SLIT3: variants seen among roughly 807,000 people sequenced by gnomAD.
SLIT3 encodes the protein slit guidance ligand 3, also known as slit homolog 3 protein.
A neutral mutation model predicts 184.0 loss-of-function variants in SLIT3; 68 were observed. The ratio of observed to expected loss-of-function variants is 0.37; its 90% CI spans 0.30 to 0.45. The LOEUF (loss-of-function observed/expected upper bound fraction) is 0.45. Among genes scored for constraint, SLIT3 ranks in the 20% least tolerant of loss-of-function variants. The pLI, the probability that SLIT3 is intolerant of heterozygous loss-of-function variation, is 1.00. For missense variants in SLIT3, 1,707 were observed against 2,026.0 expected, an observed-to-expected ratio of 0.84 and a Z score of 3.02; for synonymous variants, 831 against 828.6, an observed-to-expected ratio of 1.00 and a Z score of -0.05.
At chr5:169,066,921 C>A (rs1285026948) in intron 4 of SLIT3, among the ~76,000 whole-genome samples, 2 of 127,040 alleles carry the variant, frequency 1.6e-5, no homozygotes, top group Admixed American at 8.7e-5. Flanking sequence ...ATTGCTAAGG[C>A]AACACCATGA....
intron 1 of SLIT3, among the ~76,000 whole-genome samples, chr5:169,271,380 C>T (rs959060681): frequency 5.3e-5 from 8 of 152,214 alleles, no homozygotes; most frequent in African/African-American, 1.9e-4. Flanking sequence ...CCTGCGATTA[C>T]ACCTTGCTCC....
Position 169,221,708 on chromosome 5 carries a change from C to T in SLIT3, c.341+22997G>A, listed in dbSNP as rs141170296. Among the ~76,000 whole-genome samples the T allele has an allele frequency of 9.8e-4, 149 of 152,290 alleles. 1 individual carries two copies. Among genetic ancestry groups the T allele is most frequent in the Middle Eastern group, 3.4e-3 (1 of 294 alleles). On this transcript the variant is annotated intron_variant, in intron 3 of 35. Transcript: ENST00000519560. Reference sequence around the variant, plus strand: ...CCCTCCGTTCCTCCTCTGACTCCCCCGCCAGCCATCAGTTCCTAGTGCTGT... The same window carrying T: ...CCCTCCGTTCCTCCTCTGACTCCCCTGCCAGCCATCAGTTCCTAGTGCTGT...
intron 5 of SLIT3, among the ~76,000 whole-genome samples, chr5:168,848,758 C>T (rs1206777367): frequency 1.3e-5 from 2 of 152,012 alleles, no homozygotes; most frequent in Non-Finnish European, 2.9e-5. Context: ...GAAAGGAAAG[C>T]CAGCGTGAGT....
intron 4 of SLIT3, among the ~76,000 whole-genome samples, chr5:168,921,843 T>G (rs1443238433): frequency 6.6e-6 from 1 of 152,194 alleles, no homozygotes; most frequent in African/African-American, 2.4e-5. Flanking sequence ...ACAAAAAGGC[T>G]AACCTTTACT....
At chr5:169,240,477 A>C (rs1765360470) in intron 3 of SLIT3, among the ~76,000 whole-genome samples, 1 of 151,390 alleles carries the variant, frequency 6.6e-6, no homozygotes, top group East Asian at 1.9e-4. Flanking sequence ...TTTTATCATT[A>C]CAAAATTCCC....
At chr5:168,890,791 T>C (rs1012255752) in intron 4 of SLIT3, among the ~76,000 whole-genome samples, 4 of 152,206 alleles carry the variant, frequency 2.6e-5, no homozygotes, top group African/African-American at 7.2e-5. Flanking sequence ...CTTTTATGTA[T>C]GTGTGACATT....
At chr5:168,799,689 G>A (rs1020370502) in intron 9 of SLIT3, among the ~76,000 whole-genome samples, 2 of 128,692 alleles carry the variant, frequency 1.6e-5, no homozygotes, top group Non-Finnish European at 3.7e-5. Context: ...TGGAAACATT[G>A]GTGGTGGTGG....
intron 2 of SLIT3, among the ~76,000 whole-genome samples, chr5:169,250,635 T>A (rs1765740741): frequency 6.6e-6 from 1 of 152,236 alleles, no homozygotes; most frequent in African/African-American, 2.4e-5. Flanking sequence ...CAGCTAAGAT[T>A]CCATGGCATA....
At chr5:169,298,951 A>G (rs1320872466) in intron 1 of SLIT3, among the ~76,000 whole-genome samples, 1 of 152,250 alleles carries the variant, frequency 6.6e-6, no homozygotes, top group African/African-American at 2.4e-5. Flanking sequence ...CACTGGTGTG[A>G]CGAGGAGGGG....
chr5:169,083,504 T>A (rs1446923378), intron 4 of SLIT3, among the ~76,000 whole-genome samples: 1 of 152,182 alleles, frequency 6.6e-6, no homozygotes, highest in Non-Finnish European at 1.5e-5. Context: ...AAACTTACAG[T>A]CCCAAACTGA....
At chr5:169,077,763 G>A (rs1365190803) in intron 4 of SLIT3, among the ~76,000 whole-genome samples, 1 of 151,220 alleles carries the variant, frequency 6.6e-6, no homozygotes, top group Non-Finnish European at 1.5e-5. Flanking sequence ...CGGAGAGATG[G>A]GTTATCACTT....
At chr5:168,812,798 T>C (rs1270419850) in intron 8 of SLIT3, among the ~76,000 whole-genome samples, 1 of 152,126 alleles carries the variant, frequency 6.6e-6, no homozygotes, top group Non-Finnish European at 1.5e-5. Context: ...AATGTCCAAT[T>C]ATGGTGTTTT....
intron 4 of SLIT3, among the ~76,000 whole-genome samples, chr5:168,987,056 AAAG>A (rs1482680523): frequency 6.6e-6 from 1 of 152,164 alleles, no homozygotes. Flanking sequence ...TCAAAAAATA[AAAG>A]AAGGCTAATA....
chr5:168,753,819 C>A, intron 17 of SLIT3, 45 bp downstream of exon 17: 1 of 1,589,190 alleles, frequency 6.3e-7, no homozygotes, highest in Middle Eastern at 2.3e-4. Context: ...CCTGCCCTCC[C>A]GTCTCCCTCT....
intron 1 of SLIT3, among the ~76,000 whole-genome samples, chr5:169,266,346 C>A (rs888710287): frequency 6.6e-6 from 1 of 152,196 alleles, no homozygotes; most frequent in African/African-American, 2.4e-5. Flanking sequence ...TCCTCCTAGG[C>A]AAACAACAAG....
chr5:168,865,130 G>A (rs1759251346), intron 5 of SLIT3, among the ~76,000 whole-genome samples: 3 of 133,086 alleles, frequency 2.3e-5, no homozygotes, highest in Non-Finnish European at 3.0e-5. Context: ...CCAAGATTGT[G>A]CCATTGTACT....
chr5:169,292,325 G>A (rs1362774497), intron 1 of SLIT3, among the ~76,000 whole-genome samples: 1 of 152,168 alleles, frequency 6.6e-6, no homozygotes, highest in Non-Finnish European at 1.5e-5. Context: ...GGTGAGACTT[G>A]TGGTACTAGC....
intron 5 of SLIT3, among the ~76,000 whole-genome samples, chr5:168,879,209 T>G (rs896788987): frequency 3.3e-5 from 5 of 152,244 alleles, no homozygotes; most frequent in African/African-American, 1.2e-4. Flanking sequence ...GCAGTTTATC[T>G]TCTAGTCTTT....
chr5:168,979,408 G>A (rs1015242951), intron 4 of SLIT3, among the ~76,000 whole-genome samples: 2 of 152,198 alleles, frequency 1.3e-5, no homozygotes, highest in African/African-American at 4.8e-5. Context: ...GGGTACCACT[G>A]TGAACATGGC....
Sources: allele counts gnomAD v4.1 joint callset (sites outside exome capture counted in the v4.1 genomes callset), GRCh38; gene constraint gnomAD v4.1.1; transcripts MANE v1.5; gene names NCBI Gene and HGNC (gene_info 2026-07-23, HGNC 2026-07-21).